Variants in MAPRE1 observed in about 807,000 individuals in gnomAD.
MAPRE1 encodes the protein microtubule-associated protein RP/EB family member 1.
A neutral mutation model predicts 32.1 loss-of-function variants in MAPRE1; 5 were observed. The observed-to-expected ratio is 0.16, with a 90% CI of 0.08 to 0.33. The LOEUF (loss-of-function observed/expected upper bound fraction) is 0.33. Ranked by LOEUF, MAPRE1 falls within the 10% of genes least tolerant of loss-of-function variation. MAPRE1 has a pLI of 1.00. For synonymous variants in MAPRE1, 122 were observed against 118.9 expected (o/e 1.03, Z -0.17); for missense variants, 209 against 327.2 (o/e 0.64, Z 2.79).
intron 6 of MAPRE1, among the ~76,000 whole-genome samples, chr20:32,848,163 C>G (rs1489331753): frequency 6.6e-6 from 1 of 151,812 alleles, no homozygotes; most frequent in African/African-American, 2.4e-5. Flanking sequence ...CTGCCTCGAC[C>G]CCGCTGGGGA....
chr20:32,833,085 C>T (rs967358705), intron 2 of MAPRE1, among the ~76,000 whole-genome samples: 7 of 151,942 alleles, frequency 4.6e-5, no homozygotes, highest in Non-Finnish European at 8.8e-5. Flanking sequence ...TGCCTATAGT[C>T]CCGCTACTCC....
intron 1 of MAPRE1, among the ~76,000 whole-genome samples, chr20:32,823,084 A>G (rs1268162920): frequency 7.2e-5 from 11 of 152,174 alleles, no homozygotes; most frequent in Non-Finnish European, 1.5e-5. Flanking sequence ...AGTGCTTGCT[A>G]TGTGCAAGAT....
At position 32,849,881 on chromosome 20, in the gene MAPRE1, A is replaced by G. The variant is rs1001471225; in HGVS notation, c.*1153A>G. ...CCAGTGCACTAATCTCTTTGGAGAT[A>G]AAATTCATTAGTGTGTTACTAAATG... On this transcript the variant is annotated 3_prime_UTR_variant, in exon 7 of 7. Coordinates refer to ENST00000375571, the MANE Select transcript of MAPRE1 (RefSeq NM_012325.3). 2.6e-5 allele frequency: 4 copies of G among 152,674 alleles called. No individual in the cohort carries two copies. Among genetic ancestry groups the G allele is most frequent in the African/African-American group, 9.6e-5 (4 of 41,462 alleles). 9.5% of individuals were successfully genotyped at this position (152,674 alleles called of 1,614,324 possible).
At chr20:32,836,903 A>G (rs1430445582) in intron 4 of MAPRE1, 62 bp downstream of exon 4, 4 of 1,462,480 alleles carry the variant, frequency 2.7e-6, no homozygotes, top group Middle Eastern at 1.8e-4. Flanking sequence ...TTCAGCGTTC[A>G]ACTAGAATTT....
At chr20:32,836,517 T>C in intron 3 of MAPRE1, 117 bp from the exon 4 acceptor site, 1 of 649,600 alleles carries the variant, frequency 1.5e-6, no homozygotes, top group East Asian at 2.7e-5. Context: ...AGCCCTAAGG[T>C]CTCTAAAATA....
chr20:32,826,620 G>A (rs1190736888), intron 2 of MAPRE1, among the ~76,000 whole-genome samples: 4 of 136,946 alleles, frequency 2.9e-5, no homozygotes, highest in African/African-American at 5.4e-5. Context: ...TTCGCCTCCC[G>A]GGTTCAAGCG....
At position 32,836,756 on chromosome 20, in the gene MAPRE1, A is replaced by T. The variant is rs902142607; in HGVS notation, c.390A>T (p.Arg130Ser). The part of the protein sequence containing the change: ...DGKDYDPVAA[R>S]QGQETAVAPS... ...AAGACTATGACCCTGTGGCTGCCAG[A>T]CAAGGTCAAGAAACTGCAGTGGCTC... The change falls in exon 4 of 7, where the codon AGA becomes AGT. Residue 130 changes from arginine (R) to serine (S), a missense_variant. Physicochemically the swap from Arg to Ser is moderately radical, Grantham distance 110 (BLOSUM62 -1). Transcript: ENST00000375571. 4 of 1,614,088 alleles carry T rather than the reference A, an allele frequency of 2.5e-6. No individual in the cohort carries two copies. Among genetic ancestry groups the T allele is most frequent in the Non-Finnish European group, 3.4e-6 (4 of 1,180,036 alleles).
chr20:32,839,695 G>A lies in MAPRE1; in HGVS notation c.476-40G>A, dbSNP rs1259617843. 1.9e-6 allele frequency: 3 copies of A among 1,608,432 alleles called. No individual in the cohort carries two copies. In the Admixed American group the frequency reaches 5.1e-5, roughly 27 times the overall value. ...TGTGGATTTTTTGTTTGTTTGGGCT[G>A]GAATTACTCCTTTTCAAAAACCTGT... On this transcript the variant is annotated intron_variant, in intron 4 of 6. Coordinates refer to ENST00000375571, the MANE Select transcript of MAPRE1 (RefSeq NM_012325.3).
chr20:32,826,236 T>TTTTTTTTTTTTTTTTTGA (rs1491215602), intron 2 of MAPRE1, among the ~76,000 whole-genome samples, 188 bp downstream of exon 2: 1 of 104,936 alleles, frequency 9.5e-6, no homozygotes, highest in African/African-American at 4.0e-5. Flanking sequence ...TTTTTTTTTT[T>TTTTTTTTTTTTTTTTTGA]GACAGAGTCT....
intron 5 of MAPRE1, among the ~76,000 whole-genome samples, chr20:32,846,354 C>T (rs907207928): frequency 6.6e-6 from 1 of 152,186 alleles, no homozygotes; most frequent in Non-Finnish European, 1.5e-5. Context: ...GTTTTTTCTC[C>T]TTAATCCTTT....
chr20:32,841,786 C>T (rs371984402), intron 5 of MAPRE1, among the ~76,000 whole-genome samples: 1 of 152,108 alleles, frequency 6.6e-6, no homozygotes, highest in Admixed American at 6.6e-5. Flanking sequence ...GACAAGTCAG[C>T]CTCTCTGAAC....
At chr20:32,835,005 G>T (rs28489252) in intron 3 of MAPRE1, among the ~76,000 whole-genome samples, 3,486 of 152,160 alleles carry the variant, frequency 0.023, 55 homozygotes, top group South Asian at 0.044. Flanking sequence ...TCAGAGGGGT[G>T]GATATATTAT....
chr20:32,835,365 T>TTTTTTTTTTTTC (rs1983164926), intron 3 of MAPRE1, among the ~76,000 whole-genome samples: 1 of 31,812 alleles, frequency 3.1e-5, no homozygotes, highest in African/African-American at 1.5e-4. Flanking sequence ...TTTATTGGTG[T>TTTTTTTTTTTTC]TTTTTTTTTT....
intron 2 of MAPRE1, among the ~76,000 whole-genome samples, chr20:32,831,792 T>G (rs1406795715): frequency 6.6e-6 from 1 of 151,974 alleles, no homozygotes; most frequent in African/African-American, 2.4e-5. Context: ...GCCTTGGCCT[T>G]CCAAAGTGTT....
At chr20:32,829,969 T>TG (rs1169514048) in intron 2 of MAPRE1, among the ~76,000 whole-genome samples, 1 of 152,150 alleles carries the variant, frequency 6.6e-6, no homozygotes, top group Non-Finnish European at 1.5e-5. Flanking sequence ...GAGAGCTTTT[T>TG]TTTGTCAGAA....
At position 32,833,743 on chromosome 20, in the gene MAPRE1, A is replaced by G; in HGVS notation, c.148A>G (p.Met50Val). The change falls in exon 3 of 7, where the codon ATG becomes GTG. Residue 50 changes from methionine (M) to valine (V), a missense_variant. Coordinates refer to ENST00000375571, the MANE Select transcript of MAPRE1 (RefSeq NM_012325.3). Reference sequence around the variant, plus strand: ...GGCTGCGTATTGTCAGTTTATGGACATGCTGTTCCCTGGCTCCATTGCCTT... The same window carrying G: ...GGCTGCGTATTGTCAGTTTATGGACGTGCTGTTCCCTGGCTCCATTGCCTT... ...SGAAYCQFMD[M>V]LFPGSIALKK... The G allele has an allele frequency of 6.2e-7, 1 of 1,613,782 alleles. No homozygotes were observed. The highest frequency in any genetic ancestry group is 8.5e-7 in the Non-Finnish European group (1 of 1,179,932).
At chr20:32,831,526 C>CT (rs963455113) in intron 2 of MAPRE1, among the ~76,000 whole-genome samples, 7 of 145,324 alleles carry the variant, frequency 4.8e-5, no homozygotes, top group African/African-American at 1.8e-4. Context: ...GTCATTGTCT[C>CT]TTTTTTGTTG....
chr20:32,821,245 G>C (rs1982693083), intron 1 of MAPRE1, among the ~76,000 whole-genome samples: 1 of 152,200 alleles, frequency 6.6e-6, no homozygotes, highest in Non-Finnish European at 1.5e-5. Flanking sequence ...TCGAACTCCT[G>C]ACCTCAAGTG....
intron 5 of MAPRE1, among the ~76,000 whole-genome samples, chr20:32,846,289 T>C (rs1983503707): frequency 6.6e-6 from 1 of 152,210 alleles, no homozygotes; most frequent in Admixed American, 6.5e-5. Context: ...TGGTAAGGAC[T>C]CAGTTTATGA....
Sources: gnomAD v4.1 joint callset for allele counts (sites outside exome capture counted in the v4.1 genomes callset) on GRCh38, gnomAD v4.1.1 for gene constraint, MANE v1.5 for transcripts, NCBI Gene and HGNC (gene_info 2026-07-23, HGNC 2026-07-21) for gene names.